CMIP: variants seen among roughly 807,000 people sequenced by gnomAD.
CMIP encodes C-Maf-inducing protein.
Under a neutral mutation model 97.3 loss-of-function variants are expected in CMIP, and 13 were observed. The ratio of observed to expected loss-of-function variants is 0.13; its 90% confidence interval spans 0.09 to 0.21. The LOEUF (loss-of-function observed/expected upper bound fraction) is 0.21. CMIP is among the 10% of genes least tolerant of loss of function. The probability of loss-of-function intolerance (pLI) is 1.00; values close to 1 mark genes in which losing one functional copy is unlikely to be tolerated. For synonymous variants in CMIP, 538 were observed against 436.3 expected, an observed-to-expected ratio of 1.23 and a Z score of -2.91; for missense variants, 847 against 1,024.9, an observed-to-expected ratio of 0.83 and a Z score of 2.37.
At chr16:81,577,829 A>G (rs1359633482) in intron 1 of CMIP, among the ~76,000 whole-genome samples, 1 of 139,734 alleles carries the variant, frequency 7.2e-6, no homozygotes, top group East Asian at 2.2e-4. Context: ...CCACTACGCT[A>G]TTATCACTGT....
chr16:81,689,991 C>T (rs1407009591), intron 10 of CMIP, among the ~76,000 whole-genome samples: 8 of 152,028 alleles, frequency 5.3e-5, no homozygotes, highest in Middle Eastern at 3.2e-3. Flanking sequence ...TTCTGAGGGC[C>T]CTGTTCTGTT....
In CMIP at chr16:81,663,392, C is replaced by T. The variant is rs2092568597; in HGVS notation, c.745-877C>T. On this transcript the variant is annotated intron_variant, in intron 6 of 20. Coordinates refer to ENST00000537098, the MANE Select transcript of CMIP (RefSeq NM_198390.3). Reference sequence around the variant, plus strand: ...GAGGAGCCCATCTGAAAAGGCTGCACACTGCACGATTCCAACTACAGGACA... The same window carrying T: ...GAGGAGCCCATCTGAAAAGGCTGCATACTGCACGATTCCAACTACAGGACA... Among the ~76,000 whole-genome samples, 3 of 152,018 alleles carry T rather than the reference C, an allele frequency of 2.0e-5. No homozygotes were observed. In the South Asian group the frequency reaches 6.2e-4, roughly 32 times the overall value.
chr16:81,467,174 C>T (rs1489157176), intron 1 of CMIP, among the ~76,000 whole-genome samples: 3 of 152,160 alleles, frequency 2.0e-5, no homozygotes, highest in Non-Finnish European at 2.9e-5. Flanking sequence ...TTGGGCTGGA[C>T]GTGGACCCAT....
intron 1 of CMIP, among the ~76,000 whole-genome samples, chr16:81,576,040 G>A (rs541357395): frequency 6.6e-6 from 1 of 152,166 alleles, no homozygotes. Flanking sequence ...CTCTAGGGTA[G>A]ATACTAGCAT....
chr16:81,645,507 A>C, intron 3 of CMIP: 2 of 1,535,764 alleles, frequency 1.3e-6, no homozygotes, highest in East Asian at 4.9e-5. Flanking sequence ...CCCGTGGAGG[A>C]GCAACAGGCT....
At chr16:81,507,122 G>A (rs2089724196) in intron 1 of CMIP, among the ~76,000 whole-genome samples, 1 of 152,040 alleles carries the variant, frequency 6.6e-6, no homozygotes, top group African/African-American at 2.4e-5. Flanking sequence ...TGGGCGTGGT[G>A]GCGGGCGCCT....
At chr16:81,450,742 G>T (rs375369283) in intron 1 of CMIP, among the ~76,000 whole-genome samples, 1 of 152,182 alleles carries the variant, frequency 6.6e-6, no homozygotes, top group Admixed American at 6.5e-5. Flanking sequence ...CTTGCGGGGC[G>T]TAGTCTAGTT....
intron 1 of CMIP, among the ~76,000 whole-genome samples, chr16:81,588,739 G>A (rs1353298510): frequency 2.0e-5 from 3 of 152,090 alleles, no homozygotes; most frequent in African/African-American, 7.2e-5. Context: ...TGTGAAAGCC[G>A]GTGTGCTGTT....
rs79150077 is a variant in CMIP, at chr16:81,514,332, G to A, written c.300+68791G>A. ...GGCCACCTCCAGAGGATCAGGGTGA[G>A]GGAAGCTTCCAGAAGTGGCATGAGG... On this transcript the variant is annotated intron_variant, in intron 1 of 20. Transcript: ENST00000537098. Among the ~76,000 whole-genome samples, 988 of 152,254 alleles carry A rather than the reference G, an allele frequency of 6.5e-3. 8 individuals carry two copies. Among genetic ancestry groups the A allele is most frequent in the African/African-American group, 0.022 (904 of 41,542 alleles).
intron 1 of CMIP, among the ~76,000 whole-genome samples, chr16:81,580,283 C>T (rs571771833): frequency 2.8e-4 from 42 of 152,248 alleles, no homozygotes; most frequent in Middle Eastern, 3.4e-3. Flanking sequence ...CCTATGTCTC[C>T]CGGCTCTGGA....
chr16:81,539,286 G>A (rs2090404019), intron 1 of CMIP, among the ~76,000 whole-genome samples: 1 of 152,210 alleles, frequency 6.6e-6, no homozygotes, highest in African/African-American at 2.4e-5. Flanking sequence ...GAAGGTTTGA[G>A]CGGAATGGTG....
At chr16:81,640,957 A>G (rs528056765) in intron 3 of CMIP, among the ~76,000 whole-genome samples, 1 of 152,218 alleles carries the variant, frequency 6.6e-6, no homozygotes, top group African/African-American at 2.4e-5. Context: ...CCAACCCACA[A>G]CACCAGCTGT....
At chr16:81,694,764 C>T (rs1906509838) in intron 13 of CMIP, among the ~76,000 whole-genome samples, 1 of 152,180 alleles carries the variant, frequency 6.6e-6, no homozygotes, top group Non-Finnish European at 1.5e-5. Flanking sequence ...GGCTGGTCTC[C>T]AGGCCACACT....
chr16:81,640,292 C>T (rs1020441028), intron 3 of CMIP, among the ~76,000 whole-genome samples: 1 of 150,986 alleles, frequency 6.6e-6, no homozygotes, highest in Non-Finnish European at 1.5e-5. Context: ...TCAGGCCCCC[C>T]CCCCCCCAAT....
intron 1 of CMIP, among the ~76,000 whole-genome samples, chr16:81,515,237 G>A (rs568487556): frequency 1.3e-5 from 2 of 152,184 alleles, no homozygotes; most frequent in Admixed American, 6.5e-5. Flanking sequence ...AGGATTGACC[G>A]GGCAGGTGAG....
rs141860555 is a variant in CMIP, at chr16:81,465,506, C to A, written c.300+19965C>A. 1.7e-3 allele frequency among the ~76,000 whole-genome samples: 261 copies of A among 152,352 alleles called. 1 individual carries two copies. The highest frequency in any genetic ancestry group is 5.8e-3 in the African/African-American group (240 of 41,578). On this transcript the variant is annotated intron_variant, in intron 1 of 20. Coordinates refer to ENST00000537098, the MANE Select transcript of CMIP (RefSeq NM_198390.3). ...AGACTGGACCCCGTACGTTTGTTAC[C>A]AGTCCCTAACACTCACTGTCCCAAG...
intron 1 of CMIP, chr16:81,520,370 C>G (rs1021890118): frequency 6.6e-6 from 1 of 152,170 alleles, no homozygotes; most frequent in African/African-American, 2.4e-5. Flanking sequence ...TAAGCAATTT[C>G]TATGCTGTAG....
intron 8 of CMIP, among the ~76,000 whole-genome samples, chr16:81,671,429 A>T (rs1430263376): frequency 6.6e-6 from 1 of 152,234 alleles, no homozygotes. Flanking sequence ...AGGACTTAGT[A>T]ACTATGTTGG....
At chr16:81,624,729 A>T (rs1004059442) in intron 3 of CMIP, among the ~76,000 whole-genome samples, 1 of 152,216 alleles carries the variant, frequency 6.6e-6, no homozygotes, top group Non-Finnish European at 1.5e-5. Context: ...GGGAGGACAG[A>T]TGAGGGAGAC....
Sources: allele counts gnomAD v4.1 joint callset (sites outside exome capture counted in the v4.1 genomes callset), GRCh38; gene constraint gnomAD v4.1.1; transcripts MANE v1.5; gene names NCBI Gene and HGNC (gene_info 2026-07-23, HGNC 2026-07-21).